Variants in HRH1 observed in about 807,000 individuals in gnomAD.
HRH1 encodes the protein histamine receptor H1, also known as histamine H1 receptor.
Under a neutral mutation model 10.3 loss-of-function variants are expected in HRH1, and 6 were observed. That is an observed-to-expected ratio of 0.58 (90% CI 0.32 to 1.15). The LOEUF (loss-of-function observed/expected upper bound fraction) is 1.15, where lower values mean the gene tolerates loss of function less well. Among genes scored for constraint, HRH1 ranks in the 50% most tolerant of loss-of-function variants. The pLI is 0.05. For synonymous variants in HRH1, 242 were observed against 236.7 expected (o/e 1.02, Z -0.21); for missense variants, 514 against 615.3 (o/e 0.84, Z 1.74).
chr3:11,164,470 T>C (rs1936992213), intron 1 of HRH1, among the ~76,000 whole-genome samples: 4 of 152,228 alleles, frequency 2.6e-5, no homozygotes. Flanking sequence ...TTTACCTGTT[T>C]CTACCGCCAG....
At chr3:11,174,432 G>T (rs7636140) in intron 1 of HRH1, among the ~76,000 whole-genome samples, 48,495 of 152,000 alleles carry the variant, frequency 0.32, 11,646 homozygotes, top group African/African-American at 0.67. Context: ...TCCCTCTGAT[G>T]GCCAAAGGCG....
At chr3:11,140,678 C>T (rs765470621) in intron 1 of HRH1, among the ~76,000 whole-genome samples, 1 of 152,128 alleles carries the variant, frequency 6.6e-6, no homozygotes, top group Non-Finnish European at 1.5e-5. Context: ...GTAAAACACC[C>T]AGTTACTGGG....
At chr3:11,228,193 A>G (rs1262998392) in intron 1 of HRH1, among the ~76,000 whole-genome samples, 1 of 152,176 alleles carries the variant, frequency 6.6e-6, no homozygotes, top group East Asian at 1.9e-4. Context: ...AGTGATTCAC[A>G]ATATTGGTTG....
chr3:11,220,405 G>GAGAA (rs1938668308), intron 1 of HRH1, among the ~76,000 whole-genome samples: 2 of 152,204 alleles, frequency 1.3e-5, no homozygotes, highest in Admixed American at 1.3e-4. Context: ...CTGCTGAGGT[G>GAGAA]CAGTGTCCTG....
exon 1 of HRH1, chr3:11,137,270 T>A (rs1936200605): frequency 6.6e-6 from 1 of 152,176 alleles, no homozygotes; most frequent in Non-Finnish European, 1.5e-5. Context: ...GTAGAGAAGT[T>A]GTCCGCCAGG....
chr3:11,198,871 A>T (rs1937781300), intron 1 of HRH1, among the ~76,000 whole-genome samples: 1 of 148,728 alleles, frequency 6.7e-6, no homozygotes, highest in South Asian at 2.1e-4. Flanking sequence ...ACCCCACACC[A>T]CCCTGTGTAT....
chr3:11,245,428 C>T (rs1939453867), intron 1 of HRH1, among the ~76,000 whole-genome samples: 1 of 152,180 alleles, frequency 6.6e-6, no homozygotes, highest in Non-Finnish European at 1.5e-5. Flanking sequence ...TTCCCAGCTG[C>T]GTGACCTTGA....
chr3:11,190,565 T>C (rs1937517637), intron 1 of HRH1, among the ~76,000 whole-genome samples: 1 of 151,876 alleles, frequency 6.6e-6, no homozygotes, highest in Non-Finnish European at 1.5e-5. Flanking sequence ...TAATTTCTTT[T>C]GTATTTTAGT....
intron 1 of HRH1, among the ~76,000 whole-genome samples, chr3:11,190,399 T>G (rs1937516227): frequency 6.6e-6 from 1 of 151,562 alleles, no homozygotes; most frequent in Non-Finnish European, 1.5e-5. Flanking sequence ...ATTTATTTTG[T>G]AGAGATGGAG....
rs202154001 is a variant in HRH1, at chr3:11,262,999, A to G, written c.*2498A>G. ...ATGTTGCCTTTACAACAACCTCATG[A>G]GGGAGATTTCCATCTTTACAAATAG... is the stretch of plus-strand genomic sequence containing the variant. On this transcript the variant is annotated 3_prime_UTR_variant, in exon 2 of 2. Transcript: ENST00000431010. 1 of 167,060 alleles carries G rather than the reference A, an allele frequency of 6.0e-6. No homozygotes were observed. Among genetic ancestry groups the G allele is most frequent in the Non-Finnish European group, 1.5e-5 (1 of 68,104 alleles). The allele number at this position is 167,060 out of a possible 1,614,324, so 10.3% of individuals were successfully genotyped here.
chr3:11,237,149 G>T (rs1468420334), intron 1 of HRH1, among the ~76,000 whole-genome samples: 1 of 152,090 alleles, frequency 6.6e-6, no homozygotes, highest in East Asian at 1.9e-4. Flanking sequence ...CTGTGTCCTT[G>T]TCTCATGTTA....
intron 1 of HRH1, among the ~76,000 whole-genome samples, chr3:11,174,511 C>A (rs1252974977): frequency 1.3e-5 from 2 of 152,168 alleles, no homozygotes; most frequent in Non-Finnish European, 2.9e-5. Context: ...CCTATTGGGA[C>A]TTCTTTTGAC....
chr3:11,204,377 G>A (rs1391621796), intron 1 of HRH1, among the ~76,000 whole-genome samples: 1 of 152,186 alleles, frequency 6.6e-6, no homozygotes, highest in Admixed American at 6.5e-5. Flanking sequence ...TGGAGACAGT[G>A]CTGTTTGAGC....
chr3:11,210,115 C>T (rs1938275998), intron 1 of HRH1, among the ~76,000 whole-genome samples: 2 of 152,124 alleles, frequency 1.3e-5, no homozygotes, highest in African/African-American at 2.4e-5. Context: ...AATAGGGCCA[C>T]ATGCAGTGGC....
At chr3:11,197,124 C>CAA (rs11330219) in intron 1 of HRH1, among the ~76,000 whole-genome samples, 67 of 105,936 alleles carry the variant, frequency 6.3e-4, no homozygotes, top group South Asian at 6.0e-3. Context: ...GACTCCATCT[C>CAA]AAAAAAAAAA....
chr3:11,218,645 G>C (rs191670830), intron 1 of HRH1, among the ~76,000 whole-genome samples: 1 of 151,888 alleles, frequency 6.6e-6, no homozygotes, highest in Admixed American at 6.6e-5. Context: ...GCATGATCTC[G>C]GCTCACTGCA....
chr3:11,204,166 C>T (rs373247553), intron 1 of HRH1, among the ~76,000 whole-genome samples: 1 of 152,126 alleles, frequency 6.6e-6, no homozygotes, highest in South Asian at 2.1e-4. Flanking sequence ...ATGTTCATAT[C>T]CATCCATTAA....
At chr3:11,177,718 C>T (rs1937274098) in intron 1 of HRH1, among the ~76,000 whole-genome samples, 1 of 152,208 alleles carries the variant, frequency 6.6e-6, no homozygotes, top group African/African-American at 2.4e-5. Flanking sequence ...CTAGTACATC[C>T]CAGGCATTAA....
chr3:11,224,516 T>C (rs937825676), intron 1 of HRH1, among the ~76,000 whole-genome samples: 1 of 152,000 alleles, frequency 6.6e-6, no homozygotes, highest in African/African-American at 2.4e-5. Flanking sequence ...GCTAACACGG[T>C]GAAACCCGGT....
Sources: gnomAD v4.1 joint callset for allele counts (sites outside exome capture counted in the v4.1 genomes callset) on GRCh38, gnomAD v4.1.1 for gene constraint, MANE v1.5 for transcripts, NCBI Gene and HGNC (gene_info 2026-07-23, HGNC 2026-07-21) for gene names.